Variants in CAMTA1 observed in about 807,000 individuals in gnomAD.
CAMTA1 encodes calmodulin binding transcription activator 1, also known as calmodulin-binding transcription activator 1.
In CAMTA1, 27 loss-of-function variants were observed where a neutral mutation model predicts 170.9. That is an observed-to-expected ratio of 0.16 (90% CI 0.12 to 0.22). The LOEUF is 0.22. Among genes scored for constraint, CAMTA1 ranks in the 10% least tolerant of loss-of-function variants. The pLI is 1.00. For missense variants in CAMTA1, 1,619 were observed against 2,217.2 expected (o/e 0.73, Z 5.42); for synonymous variants, 833 against 891.5 (o/e 0.93, Z 1.17).
intron 9 of CAMTA1, among the ~76,000 whole-genome samples, chr1:7,668,433 C>CCCACA (rs2096022787): frequency 8.7e-6 from 1 of 114,810 alleles, no homozygotes; most frequent in African/African-American, 3.5e-5. Flanking sequence ...ACACACACAC[C>CCCACA]CACCACACAC....
chr1:7,130,234 C>T (rs747499263), intron 4 of CAMTA1, among the ~76,000 whole-genome samples: 2 of 152,176 alleles, frequency 1.3e-5, no homozygotes, highest in African/African-American at 2.4e-5. Flanking sequence ...GCACCATGCC[C>T]AGTCAAATCT....
Position 7,665,123 on chromosome 1 carries a change from G to A in CAMTA1, c.2576G>A (p.Gly859Asp). ...GTGGTCTCGGCCGCCTCGGCCCAGGGCACCCTAGGCATGCTGCAGCAGAGC... is the reference window on the plus strand; with the variant it reads ...GTGGTCTCGGCCGCCTCGGCCCAGGACACCCTAGGCATGCTGCAGCAGAGC... ...AEVVSAASAQGTLGMLQQSGR... is the reference protein window; with the variant it reads ...AEVVSAASAQDTLGMLQQSGR... Residue 859 changes from glycine to aspartate, a missense_variant, in exon 9 of 23, where the codon GGC becomes GAC. Gly to Asp is a moderately conservative substitution (Grantham distance 94). Transcript: ENST00000303635. This position sits in a 1 kb window ranked among gnomAD's most constrained non-coding sequence, Gnocchi z 4.3. The A allele has an allele frequency of 6.6e-7, 1 of 1,519,744 alleles. No individual in the cohort carries two copies. Among genetic ancestry groups the A allele is most frequent in the Non-Finnish European group, 8.8e-7 (1 of 1,137,542 alleles). The allele number at this position is 1,519,744 out of a possible 1,614,324, so 94.1% of individuals were successfully genotyped here.
chr1:7,695,666 CTG>C (rs2096367927), intron 11 of CAMTA1, among the ~76,000 whole-genome samples: 1 of 152,136 alleles, frequency 6.6e-6, no homozygotes. Flanking sequence ...CTGCATGGGA[CTG>C]TGGCTGCACC....
rs1461065703 is a variant in CAMTA1, at chr1:7,680,855, CGCGCGCCAGCAG to C, written c.2914+3123_2914+3134del. 3.4e-5 allele frequency among the ~76,000 whole-genome samples: 3 copies of C among 87,796 alleles called. No homozygotes were observed. Among genetic ancestry groups the C allele is most frequent in the Admixed American group, 1.2e-4 (1 of 8,274 alleles). 57.6% of individuals were successfully genotyped at this position (87,796 alleles called of 152,430 possible). ...GGCGCAGAGAACACGCGCGCGCGCG[CGCGCGCCAGCAG>C]CAGCAGCAGCAGCAGCTGCTGCGGC... On this transcript the variant is annotated intron_variant, in intron 11 of 22. Coordinates refer to ENST00000303635, the MANE Select transcript of CAMTA1 (RefSeq NM_015215.4). This position sits in a 1 kb window ranked among gnomAD's most constrained non-coding sequence, Gnocchi z 4.4.
intron 4 of CAMTA1, among the ~76,000 whole-genome samples, chr1:7,184,812 C>A (rs1368537143): frequency 6.6e-6 from 1 of 152,082 alleles, no homozygotes; most frequent in Non-Finnish European, 1.5e-5. Flanking sequence ...CAGAAACAAA[C>A]GAAAGCAGCC....
intron 6 of CAMTA1, among the ~76,000 whole-genome samples, chr1:7,602,130 TCCTTCCTTCCTTCCTC>T (rs1355461188): frequency 1.6e-4 from 21 of 128,254 alleles, no homozygotes; most frequent in African/African-American, 6.8e-4. Flanking sequence ...CTTCCTTCCT[TCCTTCCTTCCTTCCTC>T]CCTCCCTCCC....
intron 1 of CAMTA1, among the ~76,000 whole-genome samples, chr1:6,816,734 G>A (rs969051150): frequency 4.6e-5 from 7 of 152,142 alleles, no homozygotes; most frequent in East Asian, 1.9e-4. Flanking sequence ...ACACCACCGC[G>A]GCTCTGCAGG....
rs1192045178 is a variant in CAMTA1, at chr1:7,044,399, G to A, written c.235-46905G>A. Reference sequence around the variant, plus strand: ...GACTCACAGCAGTACTGCTGGGGACGCCGAGGACGCAGAGCCGTGCCACTG... The same window carrying A: ...GACTCACAGCAGTACTGCTGGGGACACCGAGGACGCAGAGCCGTGCCACTG... On this transcript the variant is annotated intron_variant, in intron 3 of 22. Coordinates refer to ENST00000303635, the MANE Select transcript of CAMTA1 (RefSeq NM_015215.4). This position sits in a 1 kb window ranked among gnomAD's most constrained non-coding sequence, Gnocchi z 5.0. Among the ~76,000 whole-genome samples, 1 of 151,510 alleles carries A rather than the reference G, an allele frequency of 6.6e-6. No homozygotes were observed. The highest frequency in any genetic ancestry group is 1.9e-4 in the East Asian group (1 of 5,146).
Position 7,306,996 on chromosome 1 carries a change from C to T in CAMTA1, c.438+57370C>T, listed in dbSNP as rs113443879. The stretch of plus-strand genomic sequence containing the variant: ...CATAGGTTATATGCAAATACTATAC[C>T]ATTTTATATAAGGAGCTTGAGGATC... On this transcript the variant is annotated intron_variant, in intron 5 of 22. Transcript: ENST00000303635. 5.5e-3 allele frequency among the ~76,000 whole-genome samples: 835 copies of T among 151,878 alleles called. 15 individuals are homozygous for T. The highest frequency in any genetic ancestry group is 0.019 in the African/African-American group (797 of 41,478).
chr1:6,844,408 C>T (rs894699175), intron 3 of CAMTA1, among the ~76,000 whole-genome samples: 4 of 151,366 alleles, frequency 2.6e-5, no homozygotes, highest in Middle Eastern at 3.4e-3. Context: ...CACAGTGGCT[C>T]GCGCCAGTAA....
chr1:7,137,525 T>G (rs1381340171), intron 4 of CAMTA1, among the ~76,000 whole-genome samples: 1 of 152,212 alleles, frequency 6.6e-6, no homozygotes, highest in Non-Finnish European at 1.5e-5. Flanking sequence ...CTCCAGGCCC[T>G]GGTGCTACCC....
In CAMTA1 at chr1:7,670,922, G is replaced by A; in HGVS notation, c.2664G>A (p.Lys888=). 1.2e-6 allele frequency: 2 copies of A among 1,613,716 alleles called. No individual in the cohort carries two copies. Among genetic ancestry groups the A allele is most frequent in the Non-Finnish European group, 1.7e-6 (2 of 1,179,926 alleles). Residue 888 remains lysine (K), a synonymous_variant, in exon 10 of 23, where the codon AAG becomes AAA. Transcript: ENST00000303635. ...TCTGTTCTCTGCAGGGAGGAGTGAAGGTCCTCATCACAGGCCCGTGGCAAG... is the reference window on the plus strand; with the variant it reads ...TCTGTTCTCTGCAGGGAGGAGTGAAAGTCCTCATCACAGGCCCGTGGCAAG... ...PEWSYPEGGV[K]VLITGPWQEA...
rs74817475 is a variant in CAMTA1 at position 6,833,703 on chromosome 1, C to T, written c.234+8493C>T. The stretch of plus-strand genomic sequence containing the variant: ...TTCACTTCTGGTTTTTCTCATTAGC[C>T]CAAGAAAAATTTAAATGACACTACT... On this transcript the variant is annotated intron_variant, in intron 3 of 22. Coordinates refer to ENST00000303635, the MANE Select transcript of CAMTA1 (RefSeq NM_015215.4). Among the ~76,000 whole-genome samples, 230 of 152,106 alleles carry T rather than the reference C, an allele frequency of 1.5e-3. 1 individual carries two copies. Among genetic ancestry groups the T allele is most frequent in the Non-Finnish European group, 2.8e-3 (191 of 68,008 alleles).
chr1:7,020,973 T>A (rs2100947281), intron 3 of CAMTA1, among the ~76,000 whole-genome samples: 1 of 152,360 alleles, frequency 6.6e-6, no homozygotes, highest in East Asian at 1.9e-4. Context: ...GCTTAGGCAG[T>A]GCTTGTGCAT....
intron 3 of CAMTA1, among the ~76,000 whole-genome samples, chr1:6,972,777 T>C (rs1324320081): frequency 6.6e-6 from 1 of 152,238 alleles, no homozygotes; most frequent in African/African-American, 2.4e-5. Flanking sequence ...TTTACTATTA[T>C]TATTGTTTTG....
chr1:6,942,094 A>G (rs1686749196), intron 3 of CAMTA1, among the ~76,000 whole-genome samples: 1 of 150,380 alleles, frequency 6.6e-6, no homozygotes, highest in Non-Finnish European at 1.5e-5. Flanking sequence ...TTTTTAAAGA[A>G]ATCTCATTTT....
At chr1:6,881,462 C>T (rs1671553801) in intron 3 of CAMTA1, among the ~76,000 whole-genome samples, 1 of 152,054 alleles carries the variant, frequency 6.6e-6, no homozygotes, top group South Asian at 2.1e-4. Flanking sequence ...CTGAGATAGA[C>T]AGAGATAGAT....
At chr1:6,790,840 A>G (rs1015917524) in intron 1 of CAMTA1, among the ~76,000 whole-genome samples, 10 of 152,240 alleles carry the variant, frequency 6.6e-5, no homozygotes, top group Non-Finnish European at 1.3e-4. Context: ...AATGATAATA[A>G]TAAAAATTAC....
chr1:7,630,994 C>T (rs2095665232), intron 6 of CAMTA1, among the ~76,000 whole-genome samples: 1 of 152,222 alleles, frequency 6.6e-6, no homozygotes, highest in South Asian at 2.1e-4. Context: ...TTAATAGCTG[C>T]CAACTTTGGG....
Sources: allele counts gnomAD v4.1 joint callset (sites outside exome capture counted in the v4.1 genomes callset), GRCh38; gene constraint gnomAD v4.1.1; non-coding constraint Gnocchi (gnomAD v3.1); transcripts MANE v1.5; gene names NCBI Gene and HGNC (gene_info 2026-07-23, HGNC 2026-07-21).